The following MYO18B variants were observed in gnomAD, a reference collection of about 807,000 sequenced individuals.
MYO18B encodes unconventional myosin-XVIIIb.
A neutral mutation model predicts 273.0 loss-of-function variants in MYO18B; 204 were observed. The ratio of observed to expected loss-of-function variants is 0.75; its 90% CI spans 0.67 to 0.84. MYO18B has a LOEUF of 0.84. Ranked by LOEUF, MYO18B falls within the 40% of genes least tolerant of loss-of-function variation. The probability of loss-of-function intolerance (pLI) is 0.00; values close to 1 mark genes in which losing one functional copy is unlikely to be tolerated. For synonymous variants in MYO18B, 1,330 were observed against 1,305.7 expected (o/e 1.02, Z -0.40); for missense variants, 3,212 against 3,287.6 (o/e 0.98, Z 0.56).
At chr22:25,776,651 A>C (rs1601659930) in intron 7 of MYO18B, among the ~76,000 whole-genome samples, 1 of 152,226 alleles carries the variant, frequency 6.6e-6, no homozygotes, top group Non-Finnish European at 1.5e-5. Context: ...TGATTATCCT[A>C]GTTCACTAGT....
intron 34 of MYO18B, among the ~76,000 whole-genome samples, chr22:25,928,402 CAAA>C (rs71311529): frequency 8.3e-5 from 4 of 48,060 alleles, no homozygotes; most frequent in Non-Finnish European, 1.7e-4. Context: ...GACCCGGCCT[CAAA>C]AAAAAAAAAA....
chr22:26,027,391 A>G lies in MYO18B; in HGVS notation c.7417A>G (p.Ile2473Val), dbSNP rs760141813. 3 of 1,613,856 alleles carry G rather than the reference A, an allele frequency of 1.9e-6. No individual in the cohort carries two copies. In the African/African-American group the frequency reaches 4.0e-5, roughly 22 times the overall value. Residue 2473 changes from isoleucine to valine, a missense_variant, in exon 43 of 44, where the codon ATC becomes GTC. Transcript: ENST00000335473. This position sits in a 1 kb window ranked among gnomAD's most constrained non-coding sequence, Gnocchi z 4.1. ...GGQDGSQRSS[I>V]HFETEEANRS... ...GCAAGACGGTTCACAGCGTTCAAGC[A>G]TCCACTTTGAAACGGAAGAGGCTAA...
intron 22 of MYO18B, among the ~76,000 whole-genome samples, chr22:25,868,946 T>C (rs2269627): frequency 0.051 from 7,818 of 152,318 alleles, 244 homozygotes; most frequent in East Asian, 0.17. Flanking sequence ...TATGCTTATA[T>C]ATGCTGAAGT....
chr22:25,768,062 A>T, intron 3 of MYO18B, 53 bp from the exon 4 acceptor site: 1 of 1,428,988 alleles, frequency 7.0e-7, no homozygotes, highest in East Asian at 2.3e-5. Context: ...TGAATGACAA[A>T]GCTGTCAGGT....
At chr22:25,983,788 C>T (rs894015343) in intron 39 of MYO18B, among the ~76,000 whole-genome samples, 2 of 152,246 alleles carry the variant, frequency 1.3e-5, no homozygotes, top group Non-Finnish European at 2.9e-5. Flanking sequence ...TTATCAGGGA[C>T]TCTCCTCCTC....
At chr22:25,953,428 G>C (rs990496058) in intron 38 of MYO18B, 6 of 152,224 alleles carry the variant, frequency 3.9e-5, no homozygotes, top group African/African-American at 1.4e-4. Flanking sequence ...TCTGCAGCCA[G>C]CTGGCTTCAC....
At chr22:25,810,264 T>A (rs5761246) in intron 12 of MYO18B, among the ~76,000 whole-genome samples, 9,951 of 142,826 alleles carry the variant, frequency 0.07, 570 homozygotes, top group East Asian at 0.21. Flanking sequence ...TGCCCAGATG[T>A]TTTTTTTGTA....
chr22:25,753,224 G>A (rs1432374468), intron 1 of MYO18B, among the ~76,000 whole-genome samples: 1 of 134,576 alleles, frequency 7.4e-6, no homozygotes, highest in Non-Finnish European at 1.6e-5. Flanking sequence ...CCTCCCGGTC[G>A]GCAGGGGCGG....
rs200836097 is a variant in MYO18B, at chr22:25,946,236, C to A, written c.5617C>A (p.Arg1873=). 1.6e-5 allele frequency: 25 copies of A among 1,575,192 alleles called. No homozygotes were observed. Among genetic ancestry groups the A allele is most frequent in the Non-Finnish European group, 1.8e-5 (21 of 1,162,006 alleles). Residue 1873 remains arginine (R), a synonymous_variant, in exon 35 of 44, where the codon CGG becomes AGG. Coordinates refer to ENST00000335473, the MANE Select transcript of MYO18B (RefSeq NM_032608.7). Reference sequence around the variant, plus strand: ...GCACAGCGAGCTGGAGAACATGACGCGGAACAAGAGCCTGGTACCTGTCCC... The same window carrying A: ...GCACAGCGAGCTGGAGAACATGACGAGGAACAAGAGCCTGGTACCTGTCCC... The part of the protein sequence containing the change: ...SMHSELENMT[R]NKSLVDEQLY...
chr22:25,891,610 A>G (rs1402332522), intron 27 of MYO18B, among the ~76,000 whole-genome samples, 198 bp downstream of exon 27: 2 of 152,264 alleles, frequency 1.3e-5, no homozygotes, highest in Non-Finnish European at 2.9e-5. Context: ...AGATAATCCA[A>G]CAATATCCCA....
At position 25,768,689 on chromosome 22, in the gene MYO18B, C is replaced by G. The variant is rs746538202; in HGVS notation, c.773C>G (p.Pro258Arg). 1 of 1,563,852 alleles carries G rather than the reference C, an allele frequency of 6.4e-7. No individual in the cohort carries two copies. The highest frequency in any genetic ancestry group is 8.6e-7 in the Non-Finnish European group (1 of 1,157,660). Residue 258 changes from proline to arginine, a missense_variant, in exon 4 of 44, where the codon CCC becomes CGC. By Grantham distance (103) the Pro-to-Arg change is moderately radical. Transcript: ENST00000335473. ...PKTTELKEAE[P>R]QGKDRQGTRP... ...ACCACAGAGCTGAAAGAGGCTGAGCCCCAGGGCAAAGACAGGCAGGGGACC... is the reference window on the plus strand; with the variant it reads ...ACCACAGAGCTGAAAGAGGCTGAGCGCCAGGGCAAAGACAGGCAGGGGACC...
intron 31 of MYO18B, among the ~76,000 whole-genome samples, chr22:25,908,054 T>C (rs1179058729): frequency 7.2e-6 from 1 of 139,338 alleles, no homozygotes; most frequent in Non-Finnish European, 1.6e-5. Context: ...AAAAAAAGAG[T>C]GTTGAGAAGG....
intron 25 of MYO18B, among the ~76,000 whole-genome samples, chr22:25,884,481 C>G (rs2091438434): frequency 2.0e-5 from 3 of 152,080 alleles, no homozygotes; most frequent in Admixed American, 6.5e-5. Flanking sequence ...TTGGGACATG[C>G]TAGGGAGTAT....
chr22:25,934,364 A>T lies in MYO18B; in HGVS notation c.5518-11773A>T, dbSNP rs370100212. ...AATCCAAATTTTAAATCAGTTGGTC[A>T]GGCAGAGGGTGTTCTGTTTAGCTGG... On this transcript the variant is annotated intron_variant, in intron 34 of 43. Transcript: ENST00000335473. Among the ~76,000 whole-genome samples, 9 of 152,302 alleles carry T rather than the reference A, an allele frequency of 5.9e-5. No individual in the cohort carries two copies. The East Asian group carries it at 1.7e-3, about 29-fold the overall frequency.
intron 40 of MYO18B, among the ~76,000 whole-genome samples, chr22:25,997,978 C>CACACACACGAGAGAGA (rs34431605): frequency 1.7e-4 from 25 of 144,638 alleles, no homozygotes; most frequent in Admixed American, 3.4e-4. Context: ...CACACACACA[C>CACACACACGAGAGAGA]GAGAGAGAGA....
At chr22:25,776,603 A>AAAAAAC (rs551600658) in intron 7 of MYO18B, among the ~76,000 whole-genome samples, 2 of 152,198 alleles carry the variant, frequency 1.3e-5, no homozygotes, top group East Asian at 3.9e-4. Flanking sequence ...GTCTCAAAAC[A>AAAAAAC]AAAAACAAAA....
chr22:25,783,201 G>C (rs903222291), intron 10 of MYO18B, among the ~76,000 whole-genome samples: 3 of 152,214 alleles, frequency 2.0e-5, no homozygotes, highest in Admixed American at 1.3e-4. Context: ...GCCCTGACCA[G>C]GTCATCCAAA....
At chr22:25,776,344 G>A (rs548833597) in intron 7 of MYO18B, among the ~76,000 whole-genome samples, 1 of 152,314 alleles carries the variant, frequency 6.6e-6, no homozygotes, top group Non-Finnish European at 1.5e-5. Flanking sequence ...GCCAAAACCA[G>A]GATAGCAATT....
Position 25,877,714 on chromosome 22 carries a change from C to T in MYO18B, c.4225-245C>T, listed in dbSNP as rs1184396067. Among the ~76,000 whole-genome samples the T allele has an allele frequency of 3.9e-5, 6 of 152,120 alleles. No homozygotes were observed. In the East Asian group the frequency reaches 5.8e-4, roughly 15 times the overall value. The stretch of plus-strand genomic sequence containing the variant: ...AACTCCTGACCTCAGGTGATCCGCC[C>T]GCCTCAGCCTCCCAAAGTGCTGGGA... On this transcript the variant is annotated intron_variant, in intron 24 of 43. Coordinates refer to ENST00000335473, the MANE Select transcript of MYO18B (RefSeq NM_032608.7).
Sources: gnomAD v4.1 joint callset for allele counts (sites outside exome capture counted in the v4.1 genomes callset) on GRCh38, gnomAD v4.1.1 for gene constraint, Gnocchi (gnomAD v3.1) non-coding constraint, MANE v1.5 for transcripts, NCBI Gene and HGNC (gene_info 2026-07-23, HGNC 2026-07-21) for gene names.